BMAL1: variants seen among roughly 807,000 people sequenced by gnomAD.
The protein encoded by BMAL1 is basic helix-loop-helix ARNT like 1.
At chr11:13,339,385 C>T in the BMAL1 span, among the ~76,000 whole-genome samples, 3 of 151,372 alleles carry the variant, frequency 2.0e-5, no homozygotes, top group South Asian at 2.1e-4. Flanking sequence ...ATCTCTTCCC[C>T]GGACTGTTGT....
the BMAL1 span, among the ~76,000 whole-genome samples, chr11:13,333,776 T>C: frequency 1.3e-5 from 2 of 152,118 alleles, no homozygotes; most frequent in Non-Finnish European, 2.9e-5. Context: ...AGATCTGCCT[T>C]TTGGCAGTGT....
the BMAL1 span, among the ~76,000 whole-genome samples, chr11:13,334,715 A>G: frequency 6.6e-6 from 1 of 152,200 alleles, no homozygotes; most frequent in African/African-American, 2.4e-5. Context: ...ACGGGGGTGG[A>G]AGGATGTGAT....
chr11:13,360,001 C>T, the BMAL1 span, among the ~76,000 whole-genome samples: 1,159 of 152,110 alleles, frequency 7.6e-3, 18 homozygotes, highest in African/African-American at 0.027. Flanking sequence ...GAGGAGGGAA[C>T]TCTCTGAGGA....
At chr11:13,332,845 A>G in the BMAL1 span, among the ~76,000 whole-genome samples, 4 of 152,208 alleles carry the variant, frequency 2.6e-5, no homozygotes, top group East Asian at 7.7e-4. Context: ...TCTGGGAAGT[A>G]GCCTGCGAAC....
At chr11:13,353,792 C>T in the BMAL1 span, among the ~76,000 whole-genome samples, 1 of 152,104 alleles carries the variant, frequency 6.6e-6, no homozygotes, top group South Asian at 2.1e-4. Flanking sequence ...CACCACTGCA[C>T]TCCAGCCTGG....
At chr11:13,355,308 C>A in the BMAL1 span, 1 of 1,613,528 alleles carries the variant, frequency 6.2e-7, no homozygotes, top group Non-Finnish European at 8.5e-7. Context: ...TAAGTTATCC[C>A]AGATGATTAA....
chr11:13,333,980 A>G, the BMAL1 span, among the ~76,000 whole-genome samples: 1 of 152,178 alleles, frequency 6.6e-6, no homozygotes, highest in African/African-American at 2.4e-5. Context: ...CATGGCAGTC[A>G]GTATTAATCC....
chr11:13,385,758 G>A, the BMAL1 span: 1 of 1,613,340 alleles, frequency 6.2e-7, no homozygotes, highest in Non-Finnish European at 8.5e-7. Context: ...GGAGAACCCA[G>A]GTTATCCATA....
chr11:13,304,414 G>A, the BMAL1 span, among the ~76,000 whole-genome samples: 11 of 152,252 alleles, frequency 7.2e-5, no homozygotes, highest in Non-Finnish European at 1.5e-5. Flanking sequence ...TTTGCCTAAT[G>A]AGTATTAGTC....
At chr11:13,284,257 TA>T in the BMAL1 span, among the ~76,000 whole-genome samples, 73 of 28,304 alleles carry the variant, frequency 2.6e-3, 11 homozygotes, top group South Asian at 5.8e-3. Context: ...TATATATATA[TA>T]TATATATATT....
At chr11:13,304,766 C>CA in the BMAL1 span, among the ~76,000 whole-genome samples, 3 of 152,184 alleles carry the variant, frequency 2.0e-5, no homozygotes, top group African/African-American at 7.2e-5. Context: ...CTGCCATCTG[C>CA]AAACACTGGT....
At chr11:13,298,974 T>A in the BMAL1 span, among the ~76,000 whole-genome samples, 1 of 152,194 alleles carries the variant, frequency 6.6e-6, no homozygotes. Flanking sequence ...GATTTGTATC[T>A]CAGGCGGTCT....
the BMAL1 span, among the ~76,000 whole-genome samples, chr11:13,368,578 C>T: frequency 6.6e-6 from 1 of 152,154 alleles, no homozygotes; most frequent in Non-Finnish European, 1.5e-5. Flanking sequence ...TGGGAGGAAG[C>T]CCAGAAGGAG....
chr11:13,362,207 A>G, the BMAL1 span, among the ~76,000 whole-genome samples: 1 of 152,220 alleles, frequency 6.6e-6, no homozygotes, highest in Admixed American at 6.5e-5. Context: ...CTGAGGTTGA[A>G]TGGGACTAGT....
the BMAL1 span, among the ~76,000 whole-genome samples, chr11:13,362,027 C>T: frequency 6.6e-6 from 1 of 152,212 alleles, no homozygotes; most frequent in African/African-American, 2.4e-5. Flanking sequence ...ATTTTCCAGC[C>T]TCCCTGGTGG....
chr11:13,378,402 A>G, the BMAL1 span: 1 of 1,613,452 alleles, frequency 6.2e-7, no homozygotes, highest in Non-Finnish European at 8.5e-7. Context: ...TGGGGCAGGA[A>G]AAATAGGCCG....
the BMAL1 span, chr11:13,366,735 TCTC>T: frequency 3.7e-6 from 6 of 1,614,040 alleles, no homozygotes; most frequent in East Asian, 2.2e-5. Flanking sequence ...AAGGAGCAGC[TCTC>T]CTCCTCTGAC....
At chr11:13,314,863 G>A in the BMAL1 span, among the ~76,000 whole-genome samples, 14 of 152,288 alleles carry the variant, frequency 9.2e-5, no homozygotes, top group Admixed American at 9.2e-4. Flanking sequence ...TGAATACTGA[G>A]GAGTCTAACA....
chr11:13,299,273 T>G, the BMAL1 span, among the ~76,000 whole-genome samples: 1 of 152,196 alleles, frequency 6.6e-6, no homozygotes, highest in Admixed American at 6.5e-5. Flanking sequence ...TTTGGCTTTT[T>G]GGCTACTCAG....
Sources: gnomAD v4.1 joint callset for allele counts (sites outside exome capture counted in the v4.1 genomes callset) on GRCh38, gnomAD v4.1.1 for gene constraint, MANE v1.5 for transcripts, NCBI Gene and HGNC (gene_info 2026-07-23, HGNC 2026-07-21) for gene names.